Variants in ARHGAP20 observed in about 807,000 individuals in gnomAD.
ARHGAP20 encodes Rho GTPase activating protein 20.
ARHGAP20 carries 34 observed loss-of-function variants against 73.7 expected under a neutral mutation model. That is an observed-to-expected ratio of 0.46 (90% CI 0.35 to 0.61). The LOEUF is 0.61. Ranked by LOEUF, ARHGAP20 falls within the 20% of genes least tolerant of loss-of-function variation. The probability of loss-of-function intolerance (pLI) is 0.00; values close to 1 mark genes in which losing one functional copy is unlikely to be tolerated. For synonymous variants in ARHGAP20, 523 were observed against 518.2 expected (o/e 1.01, Z -0.13); for missense variants, 1,314 against 1,420.9 (o/e 0.92, Z 1.21).
intron 1 of ARHGAP20, among the ~76,000 whole-genome samples, chr11:110,695,153 G>T (rs1950312162): frequency 6.6e-6 from 1 of 151,414 alleles, no homozygotes; most frequent in African/African-American, 2.4e-5. Context: ...ACATACAAAA[G>T]AATAAAGTTG....
In ARHGAP20 at chr11:110,583,733, A is replaced by G; in HGVS notation, c.1420T>C (p.Leu474=). The G allele has an allele frequency of 6.3e-7, 1 of 1,575,124 alleles. No individual in the cohort carries two copies. Among genetic ancestry groups the G allele is most frequent in the Non-Finnish European group, 8.7e-7 (1 of 1,155,398 alleles). The part of the protein sequence containing the change: ...EEKINTVQRL[L]DQLPRANVVL... ...ACATTGGCTCTCGGAAGCTGGTCTA[A>G]TAGCCTAAAGACAGAAAAATTACTC... Residue 474 remains leucine, a synonymous_variant, in exon 13 of 15, where the codon TTA becomes CTA. Transcript: ENST00000683387.
chr11:110,646,770 T>C (rs1402114092), intron 2 of ARHGAP20, among the ~76,000 whole-genome samples: 1 of 152,108 alleles, frequency 6.6e-6, no homozygotes, highest in Non-Finnish European at 1.5e-5. Flanking sequence ...CATGAAGCAC[T>C]ATCTCCAGTA....
At chr11:110,627,390 G>A (rs1242116296) in intron 3 of ARHGAP20, among the ~76,000 whole-genome samples, 2 of 152,088 alleles carry the variant, frequency 1.3e-5, no homozygotes, top group Non-Finnish European at 2.9e-5. Context: ...ACTGCGCCTG[G>A]CCAAATTCTT....
At chr11:110,691,683 C>T (rs1950245426) in intron 1 of ARHGAP20, among the ~76,000 whole-genome samples, 2 of 152,144 alleles carry the variant, frequency 1.3e-5, no homozygotes, top group Non-Finnish European at 2.9e-5. Flanking sequence ...TGCTAGACTT[C>T]TTTGGCACAA....
chr11:110,712,092 G>A (rs7112851), intron 1 of ARHGAP20, 35 bp downstream of exon 1: 85,953 of 1,269,680 alleles, frequency 0.068, 3,380 homozygotes, highest in African/African-American at 0.13. Context: ...GGGCTGCGGC[G>A]GCGGAGGGCA....
At chr11:110,702,301 T>C (rs1339856910) in intron 1 of ARHGAP20, among the ~76,000 whole-genome samples, 3 of 152,098 alleles carry the variant, frequency 2.0e-5, no homozygotes, top group South Asian at 2.1e-4. Context: ...ATTATCTCAA[T>C]AGATGTAGAA....
At position 110,609,168 on chromosome 11, in the gene ARHGAP20, T is replaced by TA. The variant is rs564642871; in HGVS notation, c.709-119dup. The TA allele has an allele frequency of 5.1e-4, 418 of 811,712 alleles. 3 individuals carry two copies. In the East Asian group the frequency reaches 8.7e-3, roughly 17 times the overall value. 50.3% of individuals were successfully genotyped at this position (811,712 alleles called of 1,614,324 possible). On this transcript the variant is annotated intron_variant, in intron 7 of 14. Coordinates refer to ENST00000683387, the MANE Select transcript of ARHGAP20 (RefSeq NM_001384657.1). Reference sequence around the variant, plus strand: ...CTCCTGCCCCCTACCCAGTGATAGTTAGAGATCCATGAACTGCAGTGGAAT... The same window carrying TA: ...CTCCTGCCCCCTACCCAGTGATAGTTAAGAGATCCATGAACTGCAGTGGAAT...
intron 10 of ARHGAP20, among the ~76,000 whole-genome samples, chr11:110,591,080 A>G (rs1183338575): frequency 6.6e-6 from 1 of 152,208 alleles, no homozygotes; most frequent in Non-Finnish European, 1.5e-5. Flanking sequence ...CACATGATCT[A>G]TTATATAACA....
At chr11:110,665,663 G>C (rs1949709733) in intron 2 of ARHGAP20, among the ~76,000 whole-genome samples, 2 of 152,288 alleles carry the variant, frequency 1.3e-5, no homozygotes, top group South Asian at 4.1e-4. Flanking sequence ...CTTGAGAAAA[G>C]AGCTGTCCAG....
rs114029146 is a variant in ARHGAP20 at position 110,600,078 on chromosome 11, G to A, written c.964+6483C>T. 1.3e-3 allele frequency among the ~76,000 whole-genome samples: 203 copies of A among 152,314 alleles called. 1 individual carries two copies. Among genetic ancestry groups the A allele is most frequent in the African/African-American group, 4.6e-3 (193 of 41,580 alleles). On this transcript the variant is annotated intron_variant, in intron 9 of 14. Coordinates refer to ENST00000683387, the MANE Select transcript of ARHGAP20 (RefSeq NM_001384657.1). ...GCTCAATAAAGCTCCTCTTCATCTTGCTAACCCTTCACTTGTCTGTGTACC... is the reference window on the plus strand; with the variant it reads ...GCTCAATAAAGCTCCTCTTCATCTTACTAACCCTTCACTTGTCTGTGTACC...
At chr11:110,590,078 G>A (rs904252327) in intron 11 of ARHGAP20, among the ~76,000 whole-genome samples, 1 of 147,818 alleles carries the variant, frequency 6.8e-6, no homozygotes, top group East Asian at 2.0e-4. Flanking sequence ...CCGCAATCAT[G>A]CCATTGCACT....
rs549523974 is a variant in ARHGAP20 at position 110,686,813 on chromosome 11, CACTAA to C, written c.188+3729_188+3733del. 3.3e-3 allele frequency among the ~76,000 whole-genome samples: 502 copies of C among 152,002 alleles called. 6 individuals are homozygous for C. Among genetic ancestry groups the C allele is most frequent in the African/African-American group, 0.012 (486 of 41,438 alleles). On this transcript the variant is annotated intron_variant, in intron 2 of 14. Transcript: ENST00000683387. The stretch of plus-strand genomic sequence containing the variant: ...TACCGAATTAGAAAGGCTTAGGAAT[CACTAA>C]ACTAGAGGACCCTTTCAGGTTCTTT...
chr11:110,648,412 A>G (rs1004394907), intron 2 of ARHGAP20, among the ~76,000 whole-genome samples: 4 of 150,820 alleles, frequency 2.7e-5, no homozygotes, highest in Non-Finnish European at 5.9e-5. Flanking sequence ...AGGATTAAAC[A>G]GTTGTTAGAG....
rs1947458426 is a variant in ARHGAP20, at chr11:110,581,207, A to G, written c.1739T>C (p.Leu580Pro). The G allele has an allele frequency of 6.2e-7, 1 of 1,606,278 alleles. No individual in the cohort carries two copies. The highest frequency in any genetic ancestry group is 2.2e-5 in the East Asian group (1 of 44,730). ...CAAGCTGTCATAGGAGGAGTCATTC[A>G]GTTGAAAGCAAGAAATATCTGTCAA... ...ENASDISCFQ[L>P]NDSSYDSLEN... Residue 580 changes from leucine to proline, a missense_variant, in exon 15 of 15, where the codon CTG (leucine) becomes CCG (proline). This residue lies in a region of ARHGAP20 where 230 missense variants were observed against 317.6 expected (regional missense o/e 0.72). Coordinates refer to ENST00000683387, the MANE Select transcript of ARHGAP20 (RefSeq NM_001384657.1).
intron 1 of ARHGAP20, among the ~76,000 whole-genome samples, chr11:110,711,103 A>T (rs1004342264): frequency 6.6e-6 from 1 of 151,960 alleles, no homozygotes; most frequent in Non-Finnish European, 1.5e-5. Context: ...CACCCAAATC[A>T]ATTCCTCAGG....
chr11:110,711,360 G>A (rs1264778980), intron 1 of ARHGAP20, among the ~76,000 whole-genome samples: 1 of 150,808 alleles, frequency 6.6e-6, no homozygotes, highest in African/African-American at 2.4e-5. Context: ...CCAGGGACCA[G>A]TGCAGGGAGA....
intron 1 of ARHGAP20, among the ~76,000 whole-genome samples, chr11:110,710,092 T>C (rs1231474889): frequency 6.6e-6 from 1 of 152,212 alleles, no homozygotes; most frequent in Non-Finnish European, 1.5e-5. Context: ...TCCTAGATTT[T>C]TGGCTTGAAC....
chr11:110,645,218 C>T (rs1261618831), intron 2 of ARHGAP20, among the ~76,000 whole-genome samples: 1 of 152,102 alleles, frequency 6.6e-6, no homozygotes, highest in East Asian at 1.9e-4. Context: ...CCATGTTGGC[C>T]AGGCTGATCT....
At chr11:110,615,641 C>T in intron 4 of ARHGAP20, 47 bp from the exon 5 acceptor site, 4 of 1,512,278 alleles carry the variant, frequency 2.6e-6, no homozygotes, top group Non-Finnish European at 3.7e-6. Context: ...ACATAAAATA[C>T]AAATGCTAAC....
Sources: allele counts gnomAD v4.1 joint callset (sites outside exome capture counted in the v4.1 genomes callset), GRCh38; gene constraint gnomAD v4.1.1; regional missense constraint gnomAD v4.1.1; transcripts MANE v1.5; gene names NCBI Gene and HGNC (gene_info 2026-07-23, HGNC 2026-07-21).